The following SLC9C1 variants were observed in gnomAD, a reference collection of about 807,000 sequenced individuals.
The protein encoded by SLC9C1 is solute carrier family 9 member C1, also known as sodium/hydrogen exchanger 10.
A neutral mutation model predicts 140.9 loss-of-function variants in SLC9C1; 97 were observed. The ratio of observed to expected loss-of-function variants is 0.69; its 90% CI spans 0.58 to 0.82. The LOEUF (loss-of-function observed/expected upper bound fraction) is 0.82. Ranked by LOEUF, SLC9C1 falls within the 40% of genes least tolerant of loss-of-function variation. The pLI is 0.00. For synonymous variants in SLC9C1, 440 were observed against 442.6 expected (o/e 0.99, Z 0.07); for missense variants, 1,340 against 1,389.3 (o/e 0.96, Z 0.56).
intron 12 of SLC9C1, among the ~76,000 whole-genome samples, chr3:112,232,458 G>T (rs1016501336): frequency 3.2e-4 from 49 of 152,160 alleles, no homozygotes; most frequent in African/African-American, 1.0e-3. Flanking sequence ...ATATGACATG[G>T]TACTTGTTCC....
chr3:112,249,036 G>A (rs905300621), intron 10 of SLC9C1, among the ~76,000 whole-genome samples: 1 of 152,042 alleles, frequency 6.6e-6, no homozygotes, highest in Non-Finnish European at 1.5e-5. Context: ...CAGCTCTCAA[G>A]GGGAATGCTT....
chr3:112,250,746 G>A (rs1355392560), intron 10 of SLC9C1, among the ~76,000 whole-genome samples: 1 of 152,124 alleles, frequency 6.6e-6, no homozygotes, highest in African/African-American at 2.4e-5. Flanking sequence ...AGAAATAACC[G>A]GTGCTGGCAA....
intron 28 of SLC9C1, chr3:112,151,335 C>T (rs2074972290): frequency 1.9e-6 from 1 of 518,890 alleles, no homozygotes; most frequent in Non-Finnish European, 3.8e-6. Context: ...CTTTTATCCT[C>T]TCTTGTGAAT....
intron 11 of SLC9C1, among the ~76,000 whole-genome samples, chr3:112,240,639 G>T (rs1293698271): frequency 6.6e-6 from 1 of 152,182 alleles, no homozygotes; most frequent in Non-Finnish European, 1.5e-5. Flanking sequence ...GCTGGAACTT[G>T]TACCATTGGC....
At chr3:112,203,142 T>C (rs1053382296) in intron 17 of SLC9C1, among the ~76,000 whole-genome samples, 1 of 152,060 alleles carries the variant, frequency 6.6e-6, no homozygotes, top group African/African-American at 2.4e-5. Context: ...TTACTCGTGA[T>C]TTTTCTTCTA....
Position 112,282,108 on chromosome 3 carries a change from G to C in SLC9C1, c.89-1325C>G, listed in dbSNP as rs533673509. 5.6e-4 allele frequency among the ~76,000 whole-genome samples: 86 copies of C among 152,254 alleles called. No individual in the cohort carries two copies. In the Middle Eastern group the frequency reaches 0.01, roughly 18 times the overall value. ...AGTTCAACAAACTTTACACCTGAGA[G>C]GTACAAAAACCATTGCACCCAGATC... On this transcript the variant is annotated intron_variant, in intron 2 of 28. Coordinates refer to ENST00000305815, the MANE Select transcript of SLC9C1 (RefSeq NM_183061.3).
chr3:112,176,588 G>C (rs563590304), intron 23 of SLC9C1, among the ~76,000 whole-genome samples: 37 of 152,218 alleles, frequency 2.4e-4, no homozygotes, highest in Non-Finnish European at 4.4e-4. Flanking sequence ...ATGCTTCTTT[G>C]CTTGTTTTGT....
chr3:112,262,890 C>T (rs746282781), intron 10 of SLC9C1, 34 bp downstream of exon 10: 28 of 1,502,214 alleles, frequency 1.9e-5, no homozygotes, highest in Non-Finnish European at 1.4e-5. Context: ...TAGTTTTATA[C>T]AATATTCAGA....
chr3:112,244,349 A>G (rs1018080583), intron 10 of SLC9C1, among the ~76,000 whole-genome samples: 3 of 152,226 alleles, frequency 2.0e-5, no homozygotes, highest in Non-Finnish European at 4.4e-5. Context: ...AGACATTGGG[A>G]AGGAATATTT....
chr3:112,142,124 A>G (rs1026083376), intron 28 of SLC9C1, among the ~76,000 whole-genome samples: 2 of 152,192 alleles, frequency 1.3e-5, no homozygotes, highest in African/African-American at 4.8e-5. Context: ...GTGTGTGAGC[A>G]TTCTTATAAC....
chr3:112,239,316 A>C (rs1052042759), intron 12 of SLC9C1, among the ~76,000 whole-genome samples: 2 of 152,216 alleles, frequency 1.3e-5, no homozygotes, highest in Non-Finnish European at 2.9e-5. Context: ...GCACAGTATT[A>C]GGGTGGGAGT....
chr3:112,259,381 C>G (rs4682386), intron 10 of SLC9C1, among the ~76,000 whole-genome samples: 44,265 of 149,082 alleles, frequency 0.3, 7,106 homozygotes, highest in East Asian at 0.43. Flanking sequence ...AAAATATTCT[C>G]TACAACAAAC....
intron 11 of SLC9C1, among the ~76,000 whole-genome samples, chr3:112,243,528 T>G (rs2079193345): frequency 6.6e-6 from 1 of 152,058 alleles, no homozygotes; most frequent in African/African-American, 2.4e-5. Context: ...GGATGTGAGT[T>G]GAAAAGCTAC....
In SLC9C1 at chr3:112,231,503, T is replaced by G; in HGVS notation, c.1447-17A>C. ...TTCGTTCAACTAAATAAAACATAAA[T>G]AAAAGAACAAAAAATACATGAATAT... On this transcript the variant is annotated splice_polypyrimidine_tract_variant and intron_variant, in intron 12 of 28. Transcript: ENST00000305815. The G allele has an allele frequency of 6.3e-7, 1 of 1,585,766 alleles. No homozygotes were observed. The highest frequency in any genetic ancestry group is 1.1e-5 in the South Asian group (1 of 87,784).
In SLC9C1 at chr3:112,246,077, A is replaced by G. The variant is rs2079275547; in HGVS notation, c.1198-2001T>C. On this transcript the variant is annotated intron_variant, in intron 10 of 28. Coordinates refer to ENST00000305815, the MANE Select transcript of SLC9C1 (RefSeq NM_183061.3). ...TTCAAAATACGGTCATGTTGATTAT[A>G]TTTTATTTCAAGCAACCTTTTTGTT... 2.0e-5 allele frequency among the ~76,000 whole-genome samples: 3 copies of G among 152,138 alleles called. No individual in the cohort carries two copies. The East Asian group carries it at 5.8e-4, about 29-fold the overall frequency.
Position 112,287,125 on chromosome 3 carries a change from T to C in SLC9C1, c.-87-247A>G, listed in dbSNP as rs564310873. ...AGCACTACGCACTTGTTACCCACTC[T>C]GAATCCATCCAACTGTCTGAAAGAA... is the stretch of plus-strand genomic sequence containing the variant. On this transcript the variant is annotated intron_variant, in intron 1 of 28. Coordinates refer to ENST00000305815, the MANE Select transcript of SLC9C1 (RefSeq NM_183061.3). Among the ~76,000 whole-genome samples, 24 of 152,312 alleles carry C rather than the reference T, an allele frequency of 1.6e-4. No individual in the cohort carries two copies. In the East Asian group the frequency reaches 3.1e-3, roughly 20 times the overall value.
intron 26 of SLC9C1, among the ~76,000 whole-genome samples, chr3:112,166,285 A>C (rs1175433862): frequency 4.6e-5 from 7 of 152,192 alleles, no homozygotes; most frequent in Admixed American, 4.6e-4. Flanking sequence ...TCCTGCACCC[A>C]CTTTCTGACA....
chr3:112,277,884 A>G, intron 4 of SLC9C1, 24 bp from the exon 5 acceptor site: 1 of 1,566,140 alleles, frequency 6.4e-7, no homozygotes, highest in Non-Finnish European at 8.7e-7. Flanking sequence ...TTACAATTAG[A>G]AAAATCAGAC....
At chr3:112,248,036 C>T (rs935328747) in intron 10 of SLC9C1, among the ~76,000 whole-genome samples, 4 of 152,010 alleles carry the variant, frequency 2.6e-5, no homozygotes, top group Non-Finnish European at 5.9e-5. Flanking sequence ...ATAAAAAGAC[C>T]GTGGCTTCCG....
Sources: allele counts gnomAD v4.1 joint callset (sites outside exome capture counted in the v4.1 genomes callset), GRCh38; gene constraint gnomAD v4.1.1; transcripts MANE v1.5; gene names NCBI Gene and HGNC (gene_info 2026-07-23, HGNC 2026-07-21).